The following SLC45A4 variants were observed in gnomAD, a reference collection of about 807,000 sequenced individuals.
SLC45A4 encodes polyamine-transporter SLC45A4.
Under a neutral mutation model 63.7 loss-of-function variants are expected in SLC45A4, and 32 were observed. That is an observed-to-expected ratio of 0.50 (90% CI 0.38 to 0.67). SLC45A4 has a LOEUF of 0.67. Among genes scored for constraint, SLC45A4 ranks in the 30% least tolerant of loss-of-function variants. SLC45A4 has a pLI of 0.00. For synonymous variants in SLC45A4, 535 were observed against 510.0 expected, an observed-to-expected ratio of 1.05 and a Z score of -0.66; for missense variants, 1,027 against 1,157.7, an observed-to-expected ratio of 0.89 and a Z score of 1.64.
rs1825772296 is a variant in SLC45A4 at position 141,210,981 on chromosome 8, A to G, written c.*591T>C. 6.4e-6 allele frequency: 1 copy of G among 155,220 alleles called. No individual in the cohort carries two copies. The highest frequency in any genetic ancestry group is 2.4e-5 in the African/African-American group (1 of 41,594). 9.6% of individuals were successfully genotyped at this position (155,220 alleles called of 1,614,324 possible). ...GGAGCCCTCCGGTGACACGGGCCTT[A>G]GCTGTCCCAGACGTCTGCGTCCCTT... On this transcript the variant is annotated 3_prime_UTR_variant, in exon 9 of 9. Coordinates refer to ENST00000517878, the MANE Select transcript of SLC45A4 (RefSeq NM_001286646.2).
At position 141,274,497 on chromosome 8, in the gene SLC45A4, G is replaced by GCACT. The variant is rs1425873685; in HGVS notation, c.-400-19872_-400-19869dup. Among the ~76,000 whole-genome samples, 5 of 143,026 alleles carry GCACT rather than the reference G, an allele frequency of 3.5e-5. No individual in the cohort carries two copies. The East Asian group carries it at 8.1e-4, about 23-fold the overall frequency. The allele number at this position is 143,026 out of a possible 152,430, so 93.8% of individuals were successfully genotyped here. ...TGCAGTGAGCCGCGATCGCACCATT[G>GCACT]CACTCCAGCCTGGGCGACAAGAGAG... On this transcript the variant is annotated intron_variant, in intron 1 of 8. Transcript: ENST00000517878.
intron 7 of SLC45A4, among the ~76,000 whole-genome samples, chr8:141,214,764 T>C (rs1169125162): frequency 6.6e-6 from 1 of 152,102 alleles, no homozygotes; most frequent in Non-Finnish European, 1.5e-5. Context: ...CGGAAACACA[T>C]GCTTACACGG....
intron 7 of SLC45A4, among the ~76,000 whole-genome samples, chr8:141,213,865 G>T (rs1315691058): frequency 6.6e-6 from 1 of 152,160 alleles, no homozygotes; most frequent in Non-Finnish European, 1.5e-5. Flanking sequence ...TAATAATCTT[G>T]AAAGTGCAGA....
rs35503591 is a variant in SLC45A4, at chr8:141,274,534, C to CAA, written c.-400-19907_-400-19906dup. ...GGGCGACAAGAGAGAAACTCGGTCT[C>CAA]AAAAAAAAAAAAAAAAAAAAAGTGA... On this transcript the variant is annotated intron_variant, in intron 1 of 8. Coordinates refer to ENST00000517878, the MANE Select transcript of SLC45A4 (RefSeq NM_001286646.2). 1.9e-3 allele frequency among the ~76,000 whole-genome samples: 177 copies of CAA among 93,830 alleles called. 2 individuals are homozygous for CAA. Among genetic ancestry groups the CAA allele is most frequent in the Middle Eastern group, 0.013 (2 of 158 alleles). 61.6% of individuals were successfully genotyped at this position (93,830 alleles called of 152,430 possible).
Position 141,215,490 on chromosome 8 carries a change from G to A in SLC45A4, c.1941+269C>T, listed in dbSNP as rs1445887701. 1.3e-5 allele frequency among the ~76,000 whole-genome samples: 2 copies of A among 152,142 alleles called. No homozygotes were observed. The highest frequency in any genetic ancestry group is 4.8e-5 in the African/African-American group (2 of 41,438). ...TGTGACTGGGCCTGAGGGGACCAAA[G>A]GGGCAGGGACAGTGCTTTTGCCTCC... On this transcript the variant is annotated intron_variant, in intron 7 of 8. Transcript: ENST00000517878. The surrounding 1 kb of genome is among the most constrained non-coding windows in gnomAD (Gnocchi z 4.3).
At chr8:141,274,056 C>T (rs1829638472) in intron 1 of SLC45A4, among the ~76,000 whole-genome samples, 1 of 151,482 alleles carries the variant, frequency 6.6e-6, no homozygotes, top group Non-Finnish European at 1.5e-5. Flanking sequence ...AGTGAAACCT[C>T]GTCTCTACTA....
At chr8:141,273,317 C>T (rs73366466) in intron 1 of SLC45A4, among the ~76,000 whole-genome samples, 7,599 of 152,174 alleles carry the variant, frequency 0.05, 641 homozygotes, top group African/African-American at 0.17. Context: ...TGCCAGGGTC[C>T]GAAGGACGCT....
At chr8:141,232,855 C>T (rs1046860679) in intron 2 of SLC45A4, among the ~76,000 whole-genome samples, 18 of 152,358 alleles carry the variant, frequency 1.2e-4, no homozygotes, top group African/African-American at 2.9e-4. Context: ...CCCGGGTGAA[C>T]GCTCACGACC....
At chr8:141,235,569 G>A (rs1827584399) in intron 2 of SLC45A4, among the ~76,000 whole-genome samples, 1 of 152,208 alleles carries the variant, frequency 6.6e-6, no homozygotes, top group Non-Finnish European at 1.5e-5. Flanking sequence ...AGGGAGCCAG[G>A]CTGGCCTTGG....
rs541421414 is a variant in SLC45A4 at position 141,284,388 on chromosome 8, C to G, written c.-401+23708G>C. 3.3e-5 allele frequency among the ~76,000 whole-genome samples: 5 copies of G among 152,326 alleles called. No homozygotes were observed. In the South Asian group the frequency reaches 1.0e-3, roughly 32 times the overall value. ...CAGTGCGGGTCTCTCCTCGCACCAG[C>G]TCGGGAGGGAGGGGCCACCCCCAGC... On this transcript the variant is annotated intron_variant, in intron 1 of 8. Coordinates refer to ENST00000517878, the MANE Select transcript of SLC45A4 (RefSeq NM_001286646.2).
At chr8:141,268,253 G>T (rs1486035294) in intron 1 of SLC45A4, among the ~76,000 whole-genome samples, 1 of 152,226 alleles carries the variant, frequency 6.6e-6, no homozygotes, top group African/African-American at 2.4e-5. Context: ...ACGACTTTCT[G>T]GAAGAGGCAA....
At chr8:141,237,378 C>T (rs1827683589) in intron 2 of SLC45A4, among the ~76,000 whole-genome samples, 1 of 152,108 alleles carries the variant, frequency 6.6e-6, no homozygotes, top group Non-Finnish European at 1.5e-5. Flanking sequence ...CCCACCACAC[C>T]ACAGCCCAGA....
chr8:141,213,839 G>A (rs1310591085), intron 7 of SLC45A4, among the ~76,000 whole-genome samples: 1 of 152,196 alleles, frequency 6.6e-6, no homozygotes, highest in Non-Finnish European at 1.5e-5. Context: ...TAGATCATAA[G>A]AGAACAATTT....
chr8:141,234,149 G>C (rs977918880), intron 2 of SLC45A4, among the ~76,000 whole-genome samples: 1 of 152,216 alleles, frequency 6.6e-6, no homozygotes, highest in Admixed American at 6.5e-5. Context: ...TCTTCTCTAT[G>C]TCCACTGAGG....
chr8:141,279,697 C>T (rs34270591), intron 1 of SLC45A4, among the ~76,000 whole-genome samples: 44,067 of 152,172 alleles, frequency 0.29, 6,927 homozygotes, highest in Non-Finnish European at 0.35. Context: ...CCGCGCTGGC[C>T]GGCAACAAAC....
intron 1 of SLC45A4, among the ~76,000 whole-genome samples, chr8:141,304,576 G>GA (rs1563687609): frequency 6.6e-6 from 1 of 151,064 alleles, no homozygotes; most frequent in East Asian, 1.9e-4. Flanking sequence ...AAAAAAAAGG[G>GA]GGGGAGAGAG....
intron 2 of SLC45A4, among the ~76,000 whole-genome samples, chr8:141,240,781 G>A (rs527884773): frequency 2.0e-5 from 3 of 152,332 alleles, no homozygotes; most frequent in South Asian, 2.1e-4. Context: ...CCGGCTGCCC[G>A]ACACTGTGAT....
chr8:141,259,540 C>T (rs1327877892), intron 1 of SLC45A4, among the ~76,000 whole-genome samples: 1 of 152,056 alleles, frequency 6.6e-6, no homozygotes, highest in Admixed American at 6.5e-5. Context: ...CCTCTTGCAT[C>T]TCCTCCCGTG....
At chr8:141,255,868 T>C (rs1003010337) in intron 1 of SLC45A4, among the ~76,000 whole-genome samples, 8 of 152,180 alleles carry the variant, frequency 5.3e-5, no homozygotes, top group African/African-American at 1.9e-4. Flanking sequence ...GGTATTGGCC[T>C]TTAGGTTATA....
Sources: allele counts gnomAD v4.1 joint callset (sites outside exome capture counted in the v4.1 genomes callset), GRCh38; gene constraint gnomAD v4.1.1; non-coding constraint Gnocchi (gnomAD v3.1); transcripts MANE v1.5; gene names NCBI Gene and HGNC (gene_info 2026-07-23, HGNC 2026-07-21).